EARS2: variants seen among roughly 807,000 people sequenced by gnomAD.
EARS2 encodes the protein nondiscriminating glutamyl-tRNA synthetase EARS2, mitochondrial.
A neutral mutation model predicts 54.1 loss-of-function variants in EARS2; 50 were observed. That is an observed-to-expected ratio of 0.92 (90% CI 0.74 to 1.17). The LOEUF is 1.17. Among genes scored for constraint, EARS2 ranks in the 50% most tolerant of loss-of-function variants. The probability of loss-of-function intolerance (pLI) is 0.00; values close to 1 mark genes in which losing one functional copy is unlikely to be tolerated. For missense variants in EARS2, 673 were observed against 675.0 expected, an observed-to-expected ratio of 1.00 and a Z score of 0.03; for synonymous variants, 298 against 281.0, an observed-to-expected ratio of 1.06 and a Z score of -0.61.
At chr16:23,538,973 C>CTTTTTTTTTTTTTTTTTTTTTTTTTTT (rs34153998) in intron 3 of EARS2, among the ~76,000 whole-genome samples, 1 of 83,842 alleles carries the variant, frequency 1.2e-5, no homozygotes. Flanking sequence ...GGCCCCCCTC[C>CTTTTTTTTTTTTTTTTTTTTTTTTTTT]TTTTTTTTTT....
In EARS2 at chr16:23,522,039, G is replaced by C; in HGVS notation, c.*2332C>G. The C allele has an allele frequency of 3.0e-6, 1 of 335,334 alleles. No homozygotes were observed. Among genetic ancestry groups the C allele is most frequent in the Non-Finnish European group, 5.9e-6 (1 of 168,832 alleles). The allele number at this position is 335,334 out of a possible 1,614,324, so 20.8% of individuals were successfully genotyped here. A position where few individuals can be genotyped will look rare whatever the true frequency, so the allele number is the denominator to read the frequency against. ...CATAGTGTTATAAAAAAAATTTACT[G>C]AGATGATGGACTAAGGCATTTACGA... On this transcript the variant is annotated 3_prime_UTR_variant, in exon 9 of 9. Coordinates refer to ENST00000449606, the MANE Select transcript of EARS2 (RefSeq NM_001083614.2).
At chr16:23,541,794 T>G (rs189196653) in intron 3 of EARS2, among the ~76,000 whole-genome samples, 1 of 150,678 alleles carries the variant, frequency 6.6e-6, no homozygotes, top group Admixed American at 6.6e-5. Flanking sequence ...TCTGGGTTCA[T>G]GCGATTCTAG....
Position 23,529,562 on chromosome 16 carries a change from C to T in EARS2, c.1292G>A (p.Gly431Asp). ...CGAGATGGCGTCCAGCTGTGCTCGA[C>T]CTACTGCAGGGCGAGTCCACAGGTA... Reference protein sequence around the residue: ...YSYLWTRPAVGRAQLDAISEK... With the variant: ...YSYLWTRPAVDRAQLDAISEK... The change falls in exon 7 of 9, where the codon GGT becomes GAT. Residue 431 changes from glycine to aspartate, a missense_variant. By Grantham distance (94) the Gly-to-Asp change is moderately conservative (BLOSUM62 -1). Coordinates refer to ENST00000449606, the MANE Select transcript of EARS2 (RefSeq NM_001083614.2). The T allele has an allele frequency of 6.2e-7, 1 of 1,614,210 alleles. No homozygotes were observed. The highest frequency in any genetic ancestry group is 2.2e-5 in the East Asian group (1 of 44,890).
chr16:23,528,183 T>G (rs143439720), intron 7 of EARS2, among the ~76,000 whole-genome samples: 2 of 152,320 alleles, frequency 1.3e-5, no homozygotes, highest in Admixed American at 6.5e-5. Flanking sequence ...AAATGTCTGT[T>G]GTTGAAGCCA....
chr16:23,529,849 C>T lies in EARS2; in HGVS notation c.1116G>A (p.Leu372=). 1 of 1,614,174 alleles carries T rather than the reference C, an allele frequency of 6.2e-7. No individual in the cohort carries two copies. The highest frequency in any genetic ancestry group is 8.5e-7 in the Non-Finnish European group (1 of 1,180,040). ...LVSNESQRRQ[L]VGKLQVLVEE... ...CCACAAGGACCTGCAGCTTCCCCAC[C>T]AGCTGGCGCCTCTGGCTCTCATTGC... Residue 372 remains leucine (L), a synonymous_variant, in exon 6 of 9, where the codon CTG becomes CTA. Coordinates refer to ENST00000449606, the MANE Select transcript of EARS2 (RefSeq NM_001083614.2).
In EARS2 at chr16:23,544,744, G is replaced by A. The variant is rs199972381; in HGVS notation, c.296-41C>T. The A allele has an allele frequency of 5.6e-4, 848 of 1,525,384 alleles. 6 individuals carry two copies. The African/African-American group carries it at 9.7e-3, about 17-fold the overall frequency. The allele number at this position is 1,525,384 out of a possible 1,614,324, so 94.5% of individuals were successfully genotyped here. ...TAATGACAGCTAAGGTGCACACAGC[G>A]CTCGTTCTCAGGCATTGCTCTAAGC... is the stretch of plus-strand genomic sequence containing the variant. On this transcript the variant is annotated intron_variant, in intron 2 of 8. Coordinates refer to ENST00000449606, the MANE Select transcript of EARS2 (RefSeq NM_001083614.2).
chr16:23,541,297 A>C (rs1416093294), intron 3 of EARS2, among the ~76,000 whole-genome samples: 1 of 152,246 alleles, frequency 6.6e-6, no homozygotes, highest in Non-Finnish European at 1.5e-5. Flanking sequence ...ACTGCACTCC[A>C]GCCTGGGGAA....
In EARS2 at chr16:23,521,752, G is replaced by A. The variant is rs759940027; in HGVS notation, c.*2619C>T. 1.3e-5 allele frequency: 6 copies of A among 449,462 alleles called. No homozygotes were observed. Among genetic ancestry groups the A allele is most frequent in the Non-Finnish European group, 2.2e-5 (5 of 225,344 alleles). 27.8% of individuals were successfully genotyped at this position (449,462 alleles called of 1,614,324 possible). ...TCCATGTTGTAGATATACCAGAATC[G>A]ACTTAGTATTTTGACCACTCACTTT... On this transcript the variant is annotated 3_prime_UTR_variant, in exon 9 of 9. Transcript: ENST00000449606.
chr16:23,525,813 T>C (rs1349430912), intron 7 of EARS2, among the ~76,000 whole-genome samples: 1 of 151,838 alleles, frequency 6.6e-6, no homozygotes. Flanking sequence ...CTGGCCAACA[T>C]GGTAAAACCC....
At chr16:23,530,058 G>C in intron 5 of EARS2, 161 bp from the exon 6 acceptor site, 1 of 883,362 alleles carries the variant, frequency 1.1e-6, no homozygotes, top group Non-Finnish European at 1.7e-6. Context: ...TAAAAAGAAA[G>C]GGATGTGACT....
intron 5 of EARS2, among the ~76,000 whole-genome samples, chr16:23,531,542 T>C (rs1231307484): frequency 6.6e-6 from 1 of 152,154 alleles, no homozygotes; most frequent in East Asian, 1.9e-4. Context: ...ATTACAGGTG[T>C]GAGCCACCAT....
intron 7 of EARS2, among the ~76,000 whole-genome samples, chr16:23,526,015 AT>A (rs1447617197): frequency 2.0e-5 from 3 of 150,972 alleles, no homozygotes; most frequent in East Asian, 1.9e-4. Flanking sequence ...AAAAAAAAAA[AT>A]AATAGTATCT....
At chr16:23,551,628 A>G (rs1567390818) in intron 2 of EARS2, among the ~76,000 whole-genome samples, 3 of 150,862 alleles carry the variant, frequency 2.0e-5, no homozygotes, top group Non-Finnish European at 3.0e-5. Flanking sequence ...ATTAAAAAAT[A>G]AAGAAACCAA....
At chr16:23,534,387 T>C (rs1041714962) in intron 4 of EARS2, among the ~76,000 whole-genome samples, 2 of 152,220 alleles carry the variant, frequency 1.3e-5, no homozygotes, top group South Asian at 2.1e-4. Context: ...TCTTGGACCA[T>C]GGGTAAGTGC....
At chr16:23,548,231 C>CTTAATAAATAAA (rs1411779071) in intron 2 of EARS2, among the ~76,000 whole-genome samples, 18 of 56,326 alleles carry the variant, frequency 3.2e-4, no homozygotes, top group Non-Finnish European at 6.6e-4. Flanking sequence ...GAGACTCCAT[C>CTTAATAAATAAA]TCAATAAATA....
At chr16:23,533,775 G>A (rs1378342466) in intron 4 of EARS2, among the ~76,000 whole-genome samples, 1 of 152,162 alleles carries the variant, frequency 6.6e-6, no homozygotes, top group Non-Finnish European at 1.5e-5. Flanking sequence ...TAAGAACCAG[G>A]CCAGGCACGG....
intron 5 of EARS2, 38 bp from the exon 6 acceptor site, chr16:23,529,935 C>G (rs1965297012): frequency 6.2e-7 from 1 of 1,605,752 alleles, no homozygotes; most frequent in African/African-American, 1.3e-5. Context: ...GCTGTCAACA[C>G]CCCAACCCAC....
At chr16:23,524,605 A>C in intron 8 of EARS2, 151 bp from the exon 9 acceptor site, 1 of 678,672 alleles carries the variant, frequency 1.5e-6, no homozygotes, top group Non-Finnish European at 2.6e-6. Context: ...TCCCTGGAAA[A>C]GGATGGGTCC....
In EARS2 at chr16:23,524,468, G is replaced by C. The variant is rs369770210; in HGVS notation, c.1489-14C>G. 8 of 1,612,016 alleles carry C rather than the reference G, an allele frequency of 5.0e-6. No individual in the cohort carries two copies. The highest frequency in any genetic ancestry group is 3.3e-4 in the Middle Eastern group (2 of 6,072). On this transcript the variant is annotated splice_polypyrimidine_tract_variant and intron_variant, in intron 8 of 8. Transcript: ENST00000449606. Reference sequence around the variant, plus strand: ...AGGAGGTCCTTGCTAAGAACAAAAAGAGCAAATATTGCCTTACTACCTTAA... The same window carrying C: ...AGGAGGTCCTTGCTAAGAACAAAAACAGCAAATATTGCCTTACTACCTTAA...
Sources: allele counts gnomAD v4.1 joint callset (sites outside exome capture counted in the v4.1 genomes callset), GRCh38; gene constraint gnomAD v4.1.1; transcripts MANE v1.5; gene names NCBI Gene and HGNC (gene_info 2026-07-23, HGNC 2026-07-21).